Variants in NHSL2 observed in about 807,000 individuals in gnomAD.
NHSL2 encodes NHS like 2, also known as NHS-like protein 2.
NHSL2 carries 27 observed loss-of-function variants against 53.4 expected under a neutral mutation model. That is an observed-to-expected ratio of 0.51 (90% confidence interval 0.37 to 0.70). The LOEUF (loss-of-function observed/expected upper bound fraction) is 0.70, where lower values mean the gene tolerates loss of function less well. NHSL2 is among the 30% of genes least tolerant of loss of function. NHSL2 has a pLI of 0.00. For missense variants in NHSL2, 892 were observed against 980.1 expected (o/e 0.91, Z 1.20); for synonymous variants, 408 against 404.1 (o/e 1.01, Z -0.12).
intron 1 of NHSL2, among the ~76,000 whole-genome samples, chrX:71,963,952 T>C (rs1219107528): frequency 2.5e-4 from 3 of 12,070 alleles, no homozygotes; most frequent in Non-Finnish European, 4.0e-4. Flanking sequence ...GGAGTGGCTA[T>C]ATATATACAC....
intron 1 of NHSL2, among the ~76,000 whole-genome samples, chrX:71,964,610 C>G (rs1011706963): frequency 7.2e-5 from 8 of 111,583 alleles, no homozygotes; most frequent in Non-Finnish European, 1.5e-4. Flanking sequence ...ACCTTTGAAG[C>G]ATAGTTCCCT....
At chrX:72,134,007 G>A (rs1353460025) in intron 2 of NHSL2, 84 bp from the exon 3 acceptor site, 1 of 977,813 alleles carries the variant, frequency 1.0e-6, no homozygotes, top group Non-Finnish European at 1.4e-6. Flanking sequence ...AGCTAGAGCA[G>A]GAGTCCTGGC....
chrX:72,051,615 T>C (rs1490387208), intron 1 of NHSL2, among the ~76,000 whole-genome samples: 1 of 111,248 alleles, frequency 9.0e-6, no homozygotes, highest in African/African-American at 3.3e-5. Flanking sequence ...ATCAACCCTA[T>C]TTAAGGTTTC....
chrX:71,929,896 AGGT>A (rs2041704531), intron 1 of NHSL2, among the ~76,000 whole-genome samples: 1 of 110,724 alleles, frequency 9.0e-6, no homozygotes, highest in African/African-American at 3.3e-5. Flanking sequence ...CTAGGACTAC[AGGT>A]GTGTGCCACC....
chrX:72,099,361 ATTTTTTTT>A (rs753132294), intron 1 of NHSL2, among the ~76,000 whole-genome samples: 2 of 84,345 alleles, frequency 2.4e-5, no homozygotes, highest in African/African-American at 9.1e-5. Context: ...TTGTGTAGGA[ATTTTTTTT>A]TTTTTTTTTT....
chrX:71,991,361 A>C (rs1005332090), intron 1 of NHSL2, among the ~76,000 whole-genome samples: 2 of 112,055 alleles, frequency 1.8e-5, no homozygotes, highest in Non-Finnish European at 3.8e-5. Context: ...TCACCTTTCA[A>C]CTCTGGCGTG....
chrX:72,085,124 C>G (rs1289384120), intron 1 of NHSL2, among the ~76,000 whole-genome samples: 1 of 111,563 alleles, frequency 9.0e-6, no homozygotes, highest in African/African-American at 3.3e-5. Flanking sequence ...TCACCCTAAA[C>G]ATATGAAAAC....
At chrX:72,073,054 T>A (rs1246445054) in intron 1 of NHSL2, among the ~76,000 whole-genome samples, 1 of 112,000 alleles carries the variant, frequency 8.9e-6, no homozygotes, top group African/African-American at 3.2e-5. Flanking sequence ...GAAGATGCGA[T>A]GTGAGATAGC....
At chrX:72,096,042 G>A (rs1414147144) in intron 1 of NHSL2, among the ~76,000 whole-genome samples, 1 of 109,637 alleles carries the variant, frequency 9.1e-6, no homozygotes, top group African/African-American at 3.3e-5. Context: ...GGTCACAGGG[G>A]TAGACATATT....
chrX:72,069,256 C>G (rs1407713935), intron 1 of NHSL2, among the ~76,000 whole-genome samples: 1 of 111,170 alleles, frequency 9.0e-6, no homozygotes, highest in African/African-American at 3.3e-5. Flanking sequence ...GCGGGCGAGT[C>G]GGGTCCCGGG....
intron 1 of NHSL2, among the ~76,000 whole-genome samples, chrX:71,926,305 C>T (rs933872012): frequency 1.2e-4 from 13 of 112,120 alleles, no homozygotes; most frequent in Non-Finnish European, 2.1e-4. Context: ...ACCATTTGCA[C>T]TGTTTTAGGT....
chrX:72,094,105 A>C (rs1284359757), intron 1 of NHSL2, among the ~76,000 whole-genome samples: 3 of 111,747 alleles, frequency 2.7e-5, no homozygotes, highest in Middle Eastern at 9.3e-3. Flanking sequence ...ATGAAAGTGC[A>C]GTTACAGCAT....
intron 1 of NHSL2, among the ~76,000 whole-genome samples, chrX:71,978,294 G>A (rs1052324334): frequency 8.9e-6 from 1 of 111,791 alleles, no homozygotes; most frequent in African/African-American, 3.2e-5. Context: ...TAGAGCACTC[G>A]CCTTTATAAG....
intron 1 of NHSL2, among the ~76,000 whole-genome samples, chrX:72,033,219 G>A (rs1024134677): frequency 5.1e-5 from 5 of 97,670 alleles, no homozygotes; most frequent in Non-Finnish European, 8.0e-5. Flanking sequence ...ACAAAGTCTC[G>A]GTCTGTCACC....
intron 1 of NHSL2, among the ~76,000 whole-genome samples, chrX:72,101,279 C>T (rs746866137): frequency 1.8e-5 from 2 of 109,907 alleles, no homozygotes; most frequent in South Asian, 4.1e-4. Flanking sequence ...CAAGAAGACT[C>T]GCATCAGGGT....
chrX:71,938,390 A>C (rs1485964624), intron 1 of NHSL2, among the ~76,000 whole-genome samples: 1 of 112,135 alleles, frequency 8.9e-6, no homozygotes. Context: ...GGCTTCAAGG[A>C]CACAGGGCAT....
At chrX:71,984,946 C>T (rs2041996906) in intron 1 of NHSL2, among the ~76,000 whole-genome samples, 1 of 109,424 alleles carries the variant, frequency 9.1e-6, no homozygotes, top group African/African-American at 3.3e-5. Flanking sequence ...GCCTCAGCCT[C>T]CTGAGTAGCT....
intron 1 of NHSL2, among the ~76,000 whole-genome samples, chrX:71,962,796 AT>A (rs1173179773): frequency 3.8e-5 from 4 of 105,272 alleles, no homozygotes; most frequent in Admixed American, 2.0e-4. Flanking sequence ...TGCCTGGCTA[AT>A]TTTTTTTTTA....
intron 1 of NHSL2, among the ~76,000 whole-genome samples, chrX:72,056,346 T>C (rs1246950500): frequency 1.8e-5 from 2 of 111,513 alleles, no homozygotes; most frequent in African/African-American, 6.5e-5. Context: ...CTACAGTAGG[T>C]GACTGGTTAT....
Sources: allele counts gnomAD v4.1 joint callset (sites outside exome capture counted in the v4.1 genomes callset), GRCh38; gene constraint gnomAD v4.1.1; transcripts MANE v1.5; gene names NCBI Gene and HGNC (gene_info 2026-07-23, HGNC 2026-07-21).